COL4A3: variants seen among roughly 807,000 people sequenced by gnomAD.
COL4A3 encodes the protein collagen type IV alpha 3 chain.
In COL4A3, 135 loss-of-function variants were observed where a neutral mutation model predicts 217.4. That is an observed-to-expected ratio of 0.62 (90% CI 0.54 to 0.72). COL4A3 has a LOEUF of 0.72. Ranked by LOEUF, COL4A3 falls within the 30% of genes least tolerant of loss-of-function variation. COL4A3 has a pLI of 0.00. For synonymous variants in COL4A3, 690 were observed against 736.3 expected, an observed-to-expected ratio of 0.94 and a Z score of 1.02; for missense variants, 1,868 against 2,119.9, an observed-to-expected ratio of 0.88 and a Z score of 2.33.
chr2:227,206,107 T>A (rs1027685014), intron 1 of COL4A3, among the ~76,000 whole-genome samples: 9 of 151,988 alleles, frequency 5.9e-5, no homozygotes, highest in African/African-American at 1.9e-4. Context: ...GGAGTCTCAC[T>A]CTGTTGCCCA....
At chr2:227,261,009 C>A in intron 19 of COL4A3, 73 bp from the exon 20 acceptor site, 4 of 1,253,886 alleles carry the variant, frequency 3.2e-6, no homozygotes, top group Non-Finnish European at 4.7e-6. Context: ...TATATTGTCA[C>A]CCAAGATTCC....
intron 34 of COL4A3, among the ~76,000 whole-genome samples, chr2:227,286,076 T>C (rs1478916961): frequency 6.6e-6 from 1 of 152,224 alleles, no homozygotes; most frequent in Admixed American, 6.5e-5. Flanking sequence ...TAGAAAAAGA[T>C]AATAAAGACG....
Position 227,247,603 on chromosome 2 carries a change from G to A in COL4A3, c.468+19G>A, listed in dbSNP as rs1348429201. ...ACAAAAGGTAAGTCATTGGTGGAAT[G>A]CTGTCACTGAAAATCTCTAACTGTA... On this transcript the variant is annotated intron_variant, in intron 8 of 51. Transcript: ENST00000396578. The A allele has an allele frequency of 7.4e-6, 12 of 1,613,546 alleles. No individual in the cohort carries two copies. The highest frequency in any genetic ancestry group is 9.3e-6 in the Non-Finnish European group (11 of 1,179,602).
chr2:227,268,401 G>A (rs2071044390), intron 23 of COL4A3: 1 of 152,362 alleles, frequency 6.6e-6, no homozygotes, highest in South Asian at 2.1e-4. Context: ...TGTCTCCTAG[G>A]GGGCTGCTTT....
intron 43 of COL4A3, among the ~76,000 whole-genome samples, chr2:227,301,238 T>C (rs1023769731): frequency 1.3e-5 from 2 of 152,162 alleles, no homozygotes; most frequent in Admixed American, 1.3e-4. Flanking sequence ...AGCCATTTTG[T>C]CCACAAAAAT....
At chr2:227,214,677 G>A (rs1477137035) in intron 1 of COL4A3, among the ~76,000 whole-genome samples, 2 of 152,194 alleles carry the variant, frequency 1.3e-5, no homozygotes, top group African/African-American at 4.8e-5. Flanking sequence ...CCTGTCCATT[G>A]TGAATTATAG....
chr2:227,173,765 G>A (rs1483949334), intron 1 of COL4A3, among the ~76,000 whole-genome samples: 1 of 152,116 alleles, frequency 6.6e-6, no homozygotes, highest in African/African-American at 2.4e-5. Flanking sequence ...ATTTTAATAT[G>A]TAATCACTAT....
At chr2:227,180,246 C>G (rs1440421527) in intron 1 of COL4A3, among the ~76,000 whole-genome samples, 1 of 152,138 alleles carries the variant, frequency 6.6e-6, no homozygotes, top group South Asian at 2.1e-4. Flanking sequence ...AACAGGGCAG[C>G]CTCTGAAATC....
intron 1 of COL4A3, among the ~76,000 whole-genome samples, chr2:227,195,663 A>ATGTG (rs1367563699): frequency 0.024 from 1,925 of 79,512 alleles, 28 homozygotes; most frequent in East Asian, 0.12. Flanking sequence ...ACATATATAT[A>ATGTG]TATATGTGTG....
At chr2:227,272,221 T>G (rs866117368) in intron 25 of COL4A3, among the ~76,000 whole-genome samples, 7 of 152,170 alleles carry the variant, frequency 4.6e-5, no homozygotes, top group African/African-American at 1.7e-4. Context: ...TGTCCCTACT[T>G]GCATCTCACT....
At position 227,312,273 on chromosome 2, in the gene COL4A3, C is replaced by A; in HGVS notation, c.*403C>A. On this transcript the variant is annotated 3_prime_UTR_variant, in exon 52 of 52. Transcript: ENST00000396578. ...GGAGGCTAAATCAGTGTTTGATTGCCCCGCCAACCCTTCCTGAAACTTCAG... is the reference window on the plus strand; with the variant it reads ...GGAGGCTAAATCAGTGTTTGATTGCACCGCCAACCCTTCCTGAAACTTCAG... 1 of 251,262 alleles carries A rather than the reference C, an allele frequency of 4.0e-6. No homozygotes were observed. Among genetic ancestry groups the A allele is most frequent in the Non-Finnish European group, 7.9e-6 (1 of 127,334 alleles). 15.6% of individuals were successfully genotyped at this position (251,262 alleles called of 1,614,324 possible).
intron 1 of COL4A3, among the ~76,000 whole-genome samples, chr2:227,234,744 A>G (rs1268624520): frequency 6.6e-6 from 1 of 152,254 alleles, no homozygotes; most frequent in Non-Finnish European, 1.5e-5. Context: ...GAGAAGATCA[A>G]CAAACACTTG....
chr2:227,271,323 T>C (rs758488501), intron 25 of COL4A3, among the ~76,000 whole-genome samples: 24 of 152,140 alleles, frequency 1.6e-4, no homozygotes, highest in Non-Finnish European at 2.5e-4. Flanking sequence ...AATAAATGCA[T>C]AAGAAGACAG....
chr2:227,219,361 C>T (rs564515193), intron 1 of COL4A3, among the ~76,000 whole-genome samples: 2 of 152,282 alleles, frequency 1.3e-5, no homozygotes, highest in East Asian at 3.9e-4. Context: ...CACCTGGCTC[C>T]TGCACTCACC....
At chr2:227,173,394 G>A (rs771045007) in intron 1 of COL4A3, among the ~76,000 whole-genome samples, 1 of 152,098 alleles carries the variant, frequency 6.6e-6, no homozygotes, top group African/African-American at 2.4e-5. Flanking sequence ...CAGGTTCCAC[G>A]TTGATCTCCC....
rs1436938201 is a variant in COL4A3, at chr2:227,314,700, GATT to G, written c.*2833_*2835del. ...ATTTTATATTGTTATATCCTGACAA[GATT>G]ATAATATTTTAATGTACTAATATTT... On this transcript the variant is annotated 3_prime_UTR_variant, in exon 52 of 52. Transcript: ENST00000396578. 10 of 150,696 alleles carry G rather than the reference GATT, an allele frequency of 6.6e-5. No homozygotes were observed. Among genetic ancestry groups the G allele is most frequent in the Non-Finnish European group, 1.3e-4 (9 of 67,890 alleles). 9.3% of individuals were successfully genotyped at this position (150,696 alleles called of 1,614,324 possible). A position where few individuals can be genotyped will look rare whatever the true frequency, so the allele number is the denominator to read the frequency against.
At chr2:227,243,602 TAATAAC>T (rs1308085140) in intron 3 of COL4A3, among the ~76,000 whole-genome samples, 5 of 152,152 alleles carry the variant, frequency 3.3e-5, no homozygotes, top group Non-Finnish European at 7.4e-5. Context: ...TTTTCTCAAA[TAATAAC>T]AATAAAATTA....
At chr2:227,231,375 C>T (rs112399825) in intron 1 of COL4A3, among the ~76,000 whole-genome samples, 2,364 of 134,554 alleles carry the variant, frequency 0.018, 55 homozygotes, top group African/African-American at 0.06. Context: ...ATTATTTAAA[C>T]ATTTTTTGTG....
chr2:227,182,832 C>G (rs1249384784), intron 1 of COL4A3, among the ~76,000 whole-genome samples: 2 of 152,160 alleles, frequency 1.3e-5, no homozygotes, highest in Non-Finnish European at 1.5e-5. Context: ...ACACATATAT[C>G]CAATTCAAGA....
Sources: gnomAD v4.1 joint callset for allele counts (sites outside exome capture counted in the v4.1 genomes callset) on GRCh38, gnomAD v4.1.1 for gene constraint, MANE v1.5 for transcripts, NCBI Gene and HGNC (gene_info 2026-07-23, HGNC 2026-07-21) for gene names.